Variants in GRIK2 observed in about 807,000 individuals in gnomAD.
GRIK2 encodes glutamate ionotropic receptor kainate type subunit 2.
GRIK2 carries 32 observed loss-of-function variants against 100.3 expected under a neutral mutation model. The ratio of observed to expected loss-of-function variants is 0.32; its 90% CI spans 0.24 to 0.43. The LOEUF is 0.43. Among genes scored for constraint, GRIK2 ranks in the 20% least tolerant of loss-of-function variants. The pLI, the probability that GRIK2 is intolerant of heterozygous loss-of-function variation, is 1.00. For synonymous variants in GRIK2, 417 were observed against 389.4 expected (o/e 1.07, Z -0.83); for missense variants, 843 against 1,114.9 (o/e 0.76, Z 3.47).
chr6:101,782,493 T>C (rs1355830800), intron 7 of GRIK2, among the ~76,000 whole-genome samples: 1 of 152,196 alleles, frequency 6.6e-6, no homozygotes, highest in East Asian at 1.9e-4. Context: ...TCACTTACCA[T>C]AATGACCTCC....
chr6:102,050,977 C>A (rs1258490288), intron 15 of GRIK2, among the ~76,000 whole-genome samples: 1 of 152,004 alleles, frequency 6.6e-6, no homozygotes, highest in Admixed American at 6.6e-5. Flanking sequence ...GGGAGAGATT[C>A]TCATGAAATC....
At chr6:101,510,824 G>A (rs1428021859) in intron 2 of GRIK2, among the ~76,000 whole-genome samples, 2 of 150,000 alleles carry the variant, frequency 1.3e-5, no homozygotes, top group African/African-American at 2.5e-5. Context: ...GTCTGGCCAG[G>A]AGGAGATCTT....
chr6:101,727,385 A>T (rs1774945293), intron 7 of GRIK2, among the ~76,000 whole-genome samples: 1 of 152,060 alleles, frequency 6.6e-6, no homozygotes, highest in African/African-American at 2.4e-5. Context: ...GATGCTTGAT[A>T]CTGGAGTGTA....
rs1769677389 is a variant in GRIK2 at position 101,435,712 on chromosome 6, T to C, written c.115+36320T>C. 2.0e-5 allele frequency among the ~76,000 whole-genome samples: 3 copies of C among 152,180 alleles called. No homozygotes were observed. The South Asian group carries it at 6.2e-4, about 32-fold the overall frequency. On this transcript the variant is annotated intron_variant, in intron 2 of 16. Transcript: ENST00000369134. Reference sequence around the variant, plus strand: ...ATGTGCCCAAAGATCATTGTTTTGTTCTTTTCAGAACCCACTTTCTCTTCT... The same window carrying C: ...ATGTGCCCAAAGATCATTGTTTTGTCCTTTTCAGAACCCACTTTCTCTTCT...
intron 14 of GRIK2, among the ~76,000 whole-genome samples, chr6:101,936,549 G>T (rs1014333756): frequency 1.3e-5 from 2 of 151,998 alleles, no homozygotes; most frequent in South Asian, 4.1e-4. Flanking sequence ...ACTCCCAGAG[G>T]TTGTCTCCCT....
At chr6:101,817,802 TCTC>T (rs534290917) in intron 9 of GRIK2, among the ~76,000 whole-genome samples, 127 of 152,318 alleles carry the variant, frequency 8.3e-4, no homozygotes, top group South Asian at 4.6e-3. Context: ...TTTACTGTCT[TCTC>T]CTTTCTTGGG....
chr6:102,039,757 A>G (rs1323862018), intron 15 of GRIK2, among the ~76,000 whole-genome samples: 2 of 151,538 alleles, frequency 1.3e-5, no homozygotes, highest in Non-Finnish European at 3.0e-5. Flanking sequence ...GCAGTCTAGA[A>G]AAAATTCCAT....
intron 14 of GRIK2, among the ~76,000 whole-genome samples, chr6:101,991,984 G>A (rs866481830): frequency 6.6e-5 from 10 of 151,512 alleles, no homozygotes; most frequent in South Asian, 4.1e-4. Context: ...ATAGCTTTAC[G>A]TTTCTGGTAC....
At chr6:101,912,046 G>A (rs2791772) in intron 12 of GRIK2, among the ~76,000 whole-genome samples, 16,870 of 62,490 alleles carry the variant, frequency 0.27, 1,238 homozygotes, top group South Asian at 0.38. Flanking sequence ...CAGGGGCAAC[G>A]CACACACACA....
intron 10 of GRIK2, among the ~76,000 whole-genome samples, chr6:101,825,413 G>A (rs1015538501): frequency 2.0e-5 from 3 of 152,012 alleles, no homozygotes; most frequent in African/African-American, 4.8e-5. Context: ...ACTATTGATG[G>A]TGGTAGAGAA....
intron 2 of GRIK2, among the ~76,000 whole-genome samples, chr6:101,557,373 A>C (rs1327426664): frequency 6.6e-6 from 1 of 152,192 alleles, no homozygotes; most frequent in Non-Finnish European, 1.5e-5. Context: ...ATTTTTAAAA[A>C]ATATCTCTGG....
chr6:102,006,388 A>ATTTTTTT (rs1391488839), intron 14 of GRIK2, among the ~76,000 whole-genome samples: 2 of 111,920 alleles, frequency 1.8e-5, no homozygotes, highest in African/African-American at 1.1e-4. Context: ...ATATATATAT[A>ATTTTTTT]TATTTTTTTT....
chr6:101,543,487 A>T (rs1776099245), intron 2 of GRIK2, among the ~76,000 whole-genome samples: 1 of 152,194 alleles, frequency 6.6e-6, no homozygotes, highest in African/African-American at 2.4e-5. Context: ...CCATCACAAA[A>T]ACATAAAGAA....
At chr6:101,892,567 T>C (rs1787178597) in intron 12 of GRIK2, among the ~76,000 whole-genome samples, 1 of 152,068 alleles carries the variant, frequency 6.6e-6, no homozygotes, top group South Asian at 2.1e-4. Context: ...ATGTTACTGT[T>C]ATATTTTGTC....
intron 2 of GRIK2, among the ~76,000 whole-genome samples, chr6:101,564,077 A>G (rs924127820): frequency 3.3e-5 from 5 of 152,060 alleles, no homozygotes; most frequent in African/African-American, 9.7e-5. Flanking sequence ...CAACACACCT[A>G]TTTTTTTACA....
In GRIK2 at chr6:101,528,389, T is replaced by C. The variant is rs537112037; in HGVS notation, c.116-93560T>C. Reference sequence around the variant, plus strand: ...CAGCCAAGTCTGTAAAATAGTTACATTATGTGGGAAGAATAAAAACTATAA... The same window carrying C: ...CAGCCAAGTCTGTAAAATAGTTACACTATGTGGGAAGAATAAAAACTATAA... On this transcript the variant is annotated intron_variant, in intron 2 of 16. Transcript: ENST00000369134. 2.6e-5 allele frequency among the ~76,000 whole-genome samples: 4 copies of C among 152,284 alleles called. No homozygotes were observed. In the South Asian group the frequency reaches 8.3e-4, roughly 32 times the overall value.
At chr6:101,525,727 C>A (rs149891144) in intron 2 of GRIK2, among the ~76,000 whole-genome samples, 331 of 152,194 alleles carry the variant, frequency 2.2e-3, no homozygotes, top group Middle Eastern at 6.8e-3. Flanking sequence ...AAAATAAGTT[C>A]GCTGTGAATT....
At chr6:101,718,910 T>C (rs967798433) in intron 7 of GRIK2, among the ~76,000 whole-genome samples, 1 of 152,044 alleles carries the variant, frequency 6.6e-6, no homozygotes, top group African/African-American at 2.4e-5. Context: ...ATAACACAAT[T>C]GTGTCTGTAA....
At chr6:102,062,313 A>G (rs114743503) in intron 16 of GRIK2, among the ~76,000 whole-genome samples, 2,788 of 150,580 alleles carry the variant, frequency 0.019, 84 homozygotes, top group African/African-American at 0.064. Flanking sequence ...TATTCAAAAA[A>G]TTTACATTTA....
Sources: gnomAD v4.1 joint callset for allele counts (sites outside exome capture counted in the v4.1 genomes callset) on GRCh38, gnomAD v4.1.1 for gene constraint, MANE v1.5 for transcripts, NCBI Gene and HGNC (gene_info 2026-07-23, HGNC 2026-07-21) for gene names.